ACACA: variants seen among roughly 807,000 people sequenced by gnomAD.
ACACA encodes the protein acetyl-CoA carboxylase 1.
A neutral mutation model predicts 296.1 loss-of-function variants in ACACA; 103 were observed. The ratio of observed to expected loss-of-function variants is 0.35; its 90% CI spans 0.30 to 0.41. ACACA has a LOEUF of 0.41. Among genes scored for constraint, ACACA ranks in the 10% least tolerant of loss-of-function variants. ACACA has a pLI of 1.00. For missense variants in ACACA, 1,554 were observed against 2,989.7 expected (o/e 0.52, Z 11.20); for synonymous variants, 953 against 1,038.6 (o/e 0.92, Z 1.58).
intron 32 of ACACA, among the ~76,000 whole-genome samples, 162 bp from the exon 33 acceptor site, chr17:37,206,034 T>C (rs1263824266): frequency 6.6e-6 from 1 of 152,168 alleles, no homozygotes; most frequent in Non-Finnish European, 1.5e-5. Context: ...CACTGCCCAA[T>C]AGCCACAGAG....
intron 11 of ACACA, among the ~76,000 whole-genome samples, chr17:37,260,280 A>T (rs868265970): frequency 4.6e-4 from 15 of 32,408 alleles, no homozygotes; most frequent in African/African-American, 2.8e-3. Context: ...ATATATATAT[A>T]TATATATATA....
chr17:37,259,880 ATTT>A (rs1328076559), intron 11 of ACACA, among the ~76,000 whole-genome samples: 1 of 137,778 alleles, frequency 7.3e-6, no homozygotes. Flanking sequence ...TAGAGACTAG[ATTT>A]TTTTTTTTTT....
chr17:37,201,374 G>T (rs1245224024), intron 33 of ACACA, among the ~76,000 whole-genome samples: 1 of 151,956 alleles, frequency 6.6e-6, no homozygotes, highest in African/African-American at 2.4e-5. Flanking sequence ...CAAGGAGGCA[G>T]AGGTTGCCGA....
At chr17:37,310,717 C>G (rs2084088804) in intron 3 of ACACA, among the ~76,000 whole-genome samples, 1 of 150,638 alleles carries the variant, frequency 6.6e-6, no homozygotes, top group Admixed American at 6.7e-5. Flanking sequence ...ATCACTTGAA[C>G]CCAGAGGCAG....
At chr17:37,398,804 G>T (rs922516074) in intron 1 of ACACA, among the ~76,000 whole-genome samples, 11 of 141,024 alleles carry the variant, frequency 7.8e-5, no homozygotes, top group Non-Finnish European at 1.5e-4. Context: ...GGCTAGTCTC[G>T]AACTACTGAC....
chr17:37,227,083 T>G (rs1348517110), intron 25 of ACACA, among the ~76,000 whole-genome samples: 1 of 152,154 alleles, frequency 6.6e-6, no homozygotes, highest in Non-Finnish European at 1.5e-5. Context: ...AATCCTTAGC[T>G]GAATTAGAGG....
chr17:37,384,672 G>T (rs2050450300), intron 1 of ACACA, among the ~76,000 whole-genome samples: 1 of 152,004 alleles, frequency 6.6e-6, no homozygotes, highest in Non-Finnish European at 1.5e-5. Context: ...GAACTGACTA[G>T]CACTATGATG....
intron 1 of ACACA, among the ~76,000 whole-genome samples, chr17:37,341,649 C>T (rs1335895857): frequency 6.6e-6 from 1 of 150,584 alleles, no homozygotes; most frequent in Non-Finnish European, 1.5e-5. Flanking sequence ...AAGATCACCC[C>T]ACTGCACTGT....
intron 3 of ACACA, among the ~76,000 whole-genome samples, chr17:37,326,816 G>A (rs1461380873): frequency 1.3e-5 from 2 of 151,364 alleles, no homozygotes; most frequent in Admixed American, 6.6e-5. Flanking sequence ...GCGACAGAGC[G>A]AGTCTCCCTC....
intron 47 of ACACA, among the ~76,000 whole-genome samples, chr17:37,126,618 T>C (rs2074798841): frequency 6.6e-6 from 1 of 152,204 alleles, no homozygotes; most frequent in African/African-American, 2.4e-5. Context: ...GTGATTCTTC[T>C]AATTTGAACA....
intron 1 of ACACA, chr17:37,360,393 T>C (rs1290347587): frequency 6.6e-6 from 1 of 151,984 alleles, no homozygotes; most frequent in East Asian, 1.9e-4. Context: ...TGGCGGAAGC[T>C]GAGGCAGAAA....
chr17:37,280,133 T>C (rs1416702130), intron 5 of ACACA, among the ~76,000 whole-genome samples: 1 of 152,148 alleles, frequency 6.6e-6, no homozygotes, highest in Non-Finnish European at 1.5e-5. Context: ...TTAGGTATTA[T>C]CAATGTCTTC....
At chr17:37,195,521 C>T (rs2077956066) in intron 35 of ACACA, among the ~76,000 whole-genome samples, 2 of 147,712 alleles carry the variant, frequency 1.4e-5, no homozygotes. Context: ...ATATAAACAA[C>T]TTTTTTTTTT....
At chr17:37,390,330 A>ATATATC (rs1386032855) in intron 1 of ACACA, among the ~76,000 whole-genome samples, 1,399 of 41,552 alleles carry the variant, frequency 0.034, 237 homozygotes, top group African/African-American at 0.041. Flanking sequence ...ATATATATAT[A>ATATATC]TATAAAAGGC....
chr17:37,391,791 T>C lies in ACACA; in HGVS notation c.38+14471A>G, dbSNP rs1597792407. ...TCCTCTCCCTATTAATATGGGCACA[T>C]TCTTGCCAATTTCACACTTGTATCT... is the stretch of plus-strand genomic sequence containing the variant. On this transcript the variant is annotated intron_variant, in intron 1 of 55. Coordinates refer to ENST00000616317, the MANE Select transcript of ACACA (RefSeq NM_198834.3). 15 of 1,357,450 alleles carry C rather than the reference T, an allele frequency of 1.1e-5. No individual in the cohort carries two copies. The East Asian group carries it at 2.8e-4, about 25-fold the overall frequency. The allele number at this position is 1,357,450 out of a possible 1,614,324, so 84.1% of individuals were successfully genotyped here. A position where few individuals can be genotyped will look rare whatever the true frequency, so the allele number is the denominator to read the frequency against.
chr17:37,126,401 A>G (rs1257858600), intron 47 of ACACA, among the ~76,000 whole-genome samples: 1 of 152,234 alleles, frequency 6.6e-6, no homozygotes, highest in African/African-American at 2.4e-5. Flanking sequence ...GACAGATAGT[A>G]AAAATACAAT....
chr17:37,158,914 A>G (rs2076357778), intron 42 of ACACA, among the ~76,000 whole-genome samples: 1 of 152,102 alleles, frequency 6.6e-6, no homozygotes, highest in East Asian at 1.9e-4. Flanking sequence ...ACAGTGGCTA[A>G]TGCCTATAAT....
At chr17:37,311,206 T>C (rs1205693601) in intron 3 of ACACA, among the ~76,000 whole-genome samples, 1 of 152,142 alleles carries the variant, frequency 6.6e-6, no homozygotes, top group African/African-American at 2.4e-5. Context: ...TCTGAAAATC[T>C]TGACCATAAA....
intron 10 of ACACA, among the ~76,000 whole-genome samples, chr17:37,269,850 A>C (rs1598365866): frequency 6.6e-6 from 1 of 152,036 alleles, no homozygotes; most frequent in East Asian, 1.9e-4. Context: ...ACTATGAAAA[A>C]GAGGGAAGCT....
Sources: allele counts gnomAD v4.1 joint callset (sites outside exome capture counted in the v4.1 genomes callset), GRCh38; gene constraint gnomAD v4.1.1; transcripts MANE v1.5; gene names NCBI Gene and HGNC (gene_info 2026-07-23, HGNC 2026-07-21).